The following CNTN3 variants were observed in gnomAD, a reference collection of about 807,000 sequenced individuals.
CNTN3 encodes the protein contactin-3.
A neutral mutation model predicts 119.1 loss-of-function variants in CNTN3; 60 were observed. That is an observed-to-expected ratio of 0.50 (90% CI 0.41 to 0.62). The LOEUF is 0.62. CNTN3 is among the 20% of genes least tolerant of loss of function. The pLI is 0.00. For synonymous variants in CNTN3, 450 were observed against 438.7 expected (o/e 1.03, Z -0.32); for missense variants, 1,101 against 1,242.4 (o/e 0.89, Z 1.71).
chr3:74,574,622 T>G lies in CNTN3; in HGVS notation c.-81+39769A>C, dbSNP rs9829284. 8.4e-3 allele frequency among the ~76,000 whole-genome samples: 1,272 copies of G among 152,326 alleles called. 15 individuals carry two copies. The highest frequency in any genetic ancestry group is 0.027 in the African/African-American group (1,121 of 41,568). On this transcript the variant is annotated intron_variant, in intron 1 of 22. Coordinates refer to ENST00000263665, the MANE Select transcript of CNTN3 (RefSeq NM_020872.3). ...ACCCATGGAAGTCATGCTGTTTTTCTCTTGTAAACTGTTTTTCCCAGTGCT... is the reference window on the plus strand; with the variant it reads ...ACCCATGGAAGTCATGCTGTTTTTCGCTTGTAAACTGTTTTTCCCAGTGCT...
At chr3:74,409,921 A>C (rs1231427484) in intron 5 of CNTN3, among the ~76,000 whole-genome samples, 1 of 152,186 alleles carries the variant, frequency 6.6e-6, no homozygotes, top group Non-Finnish European at 1.5e-5. Flanking sequence ...ATTTTGTTGA[A>C]GATACTTGAT....
chr3:74,347,567 T>C (rs543170349), intron 11 of CNTN3, among the ~76,000 whole-genome samples: 8 of 152,336 alleles, frequency 5.3e-5, no homozygotes, highest in East Asian at 1.9e-4. Flanking sequence ...AAATGTACCA[T>C]ATAATGATAG....
intron 3 of CNTN3, among the ~76,000 whole-genome samples, chr3:74,497,488 T>C (rs190843083): frequency 6.6e-6 from 1 of 152,058 alleles, no homozygotes; most frequent in Admixed American, 6.6e-5. Context: ...CAGAGTCTGA[T>C]ATTTCTTAGA....
At position 74,301,714 on chromosome 3, in the gene CNTN3, G is replaced by A. The variant is rs199848451; in HGVS notation, c.1878C>T (p.Ser626=). ...LSWKEGKDNH[S]PVISYSIQAR... is the part of the protein sequence containing the mutation. The stretch of plus-strand genomic sequence containing the variant: ...CCTGGATAGAATAGGATATAACTGG[G>A]CTATGGTTGTCTTTACCTTCTTTCC... Residue 626 remains serine (S), a synonymous_variant, in exon 15 of 23, where the codon AGC becomes AGT. Transcript: ENST00000263665. The A allele has an allele frequency of 1.8e-5, 29 of 1,613,966 alleles. No homozygotes were observed. The highest frequency in any genetic ancestry group is 1.8e-4 in the East Asian group (8 of 44,878).
At chr3:74,522,653 G>A (rs927136583) in intron 1 of CNTN3, among the ~76,000 whole-genome samples, 3 of 151,714 alleles carry the variant, frequency 2.0e-5, no homozygotes, top group African/African-American at 7.3e-5. Flanking sequence ...ATGCCTAAGA[G>A]TCATCCAAGA....
rs75498611 is a variant in CNTN3 at position 74,435,465 on chromosome 3, C to T, written c.359-10525G>A. On this transcript the variant is annotated intron_variant, in intron 4 of 22. Coordinates refer to ENST00000263665, the MANE Select transcript of CNTN3 (RefSeq NM_020872.3). ...ATGCTAGGATTACAGGCATGAGCCA[C>T]CACACTGAGCCTGGAACTATTTTGT... Among the ~76,000 whole-genome samples the T allele has an allele frequency of 8.7e-3, 1,329 of 152,252 alleles. 16 individuals carry two copies. Among genetic ancestry groups the T allele is most frequent in the African/African-American group, 0.03 (1,264 of 41,548 alleles).
rs1408763448 is a variant in CNTN3, at chr3:74,394,112, C to T, written c.455-22713G>A. 1.1e-4 allele frequency among the ~76,000 whole-genome samples: 16 copies of T among 152,268 alleles called. No homozygotes were observed. In the South Asian group the frequency reaches 3.3e-3, roughly 32 times the overall value. On this transcript the variant is annotated intron_variant, in intron 5 of 22. Transcript: ENST00000263665. ...CTAATTAGAGAAGTCTGTGGAGATGCTCAACTCAAATTAATCTAGAAATGA... is the reference window on the plus strand; with the variant it reads ...CTAATTAGAGAAGTCTGTGGAGATGTTCAACTCAAATTAATCTAGAAATGA...
At chr3:74,409,315 G>C (rs948056806) in intron 5 of CNTN3, among the ~76,000 whole-genome samples, 2 of 152,146 alleles carry the variant, frequency 1.3e-5, no homozygotes, top group African/African-American at 4.8e-5. Flanking sequence ...GTGAATGCCT[G>C]ATCACACTGT....
At chr3:74,287,011 G>A (rs1247110045) in intron 19 of CNTN3, among the ~76,000 whole-genome samples, 6 of 152,146 alleles carry the variant, frequency 3.9e-5, no homozygotes, top group Non-Finnish European at 7.4e-5. Flanking sequence ...TTAACTGTTC[G>A]CAGCAAAGCC....
At chr3:74,547,914 G>A (rs1267263672) in intron 1 of CNTN3, among the ~76,000 whole-genome samples, 1 of 152,034 alleles carries the variant, frequency 6.6e-6, no homozygotes, top group South Asian at 2.1e-4. Context: ...ATCCTTCTAA[G>A]AGTTTTATTT....
chr3:74,568,949 T>C (rs2106646084), intron 1 of CNTN3, among the ~76,000 whole-genome samples: 1 of 152,286 alleles, frequency 6.6e-6, no homozygotes. Flanking sequence ...GGTCTTGGAC[T>C]TTAATGTGTG....
chr3:74,614,609 C>T lies in CNTN3; in HGVS notation c.-299G>A, dbSNP rs1245640464. On this transcript the variant is annotated 5_prime_UTR_variant, in exon 1 of 23. Coordinates refer to ENST00000263665, the MANE Select transcript of CNTN3 (RefSeq NM_020872.3). Reference sequence around the variant, plus strand: ...GCCCGCCCGCCGCTGCCACCGCCGCCGCCGCCAAGCGCCAGGCTGCTGTGG... The same window carrying T: ...GCCCGCCCGCCGCTGCCACCGCCGCTGCCGCCAAGCGCCAGGCTGCTGTGG... Among the ~76,000 whole-genome samples the T allele has an allele frequency of 6.7e-6, 1 of 149,386 alleles. No homozygotes were observed. Among genetic ancestry groups the T allele is most frequent in the African/African-American group, 2.4e-5 (1 of 41,300 alleles).
chr3:74,405,534 T>C (rs1017702969), intron 5 of CNTN3, among the ~76,000 whole-genome samples: 9 of 152,098 alleles, frequency 5.9e-5, no homozygotes, highest in Non-Finnish European at 1.0e-4. Context: ...TTCTTCTAAA[T>C]ACATTATCAA....
At position 74,325,531 on chromosome 3, in the gene CNTN3, C is replaced by A. The variant is rs567485171; in HGVS notation, c.1668+9204G>T. Among the ~76,000 whole-genome samples, 475 of 152,198 alleles carry A rather than the reference C, an allele frequency of 3.1e-3. 4 individuals carry two copies. The highest frequency in any genetic ancestry group is 0.011 in the African/African-American group (461 of 41,550). ...AAATTTTAAAAAAATGAAGGAAAAA[C>A]TCGTGCAGAAAAGAATATGGGGAAG... On this transcript the variant is annotated intron_variant, in intron 13 of 22. Transcript: ENST00000263665.
At chr3:74,340,621 A>C (rs1703511052) in intron 11 of CNTN3, among the ~76,000 whole-genome samples, 1 of 152,188 alleles carries the variant, frequency 6.6e-6, no homozygotes, top group East Asian at 1.9e-4. Context: ...GATGTGATGG[A>C]GAATTTTAAT....
At chr3:74,507,288 C>T (rs1703279222) in intron 2 of CNTN3, among the ~76,000 whole-genome samples, 1 of 151,994 alleles carries the variant, frequency 6.6e-6, no homozygotes, top group Admixed American at 6.6e-5. Context: ...CGCAGTAGTG[C>T]ATGCCTATAG....
chr3:74,331,604 T>C (rs1438185386), intron 13 of CNTN3, among the ~76,000 whole-genome samples: 1 of 152,216 alleles, frequency 6.6e-6, no homozygotes, highest in Non-Finnish European at 1.5e-5. Flanking sequence ...CTTGTGTATC[T>C]GAATACAAAT....
intron 20 of CNTN3, among the ~76,000 whole-genome samples, chr3:74,279,122 T>G (rs1203254810): frequency 2.6e-5 from 4 of 152,094 alleles, no homozygotes; most frequent in African/African-American, 7.2e-5. Flanking sequence ...CACGTTGGTG[T>G]GGATGCGGTG....
chr3:74,440,425 T>C (rs1437895104), intron 4 of CNTN3, among the ~76,000 whole-genome samples: 1 of 151,906 alleles, frequency 6.6e-6, no homozygotes, highest in Non-Finnish European at 1.5e-5. Context: ...ATAGTTGATT[T>C]CTGTTCTCCT....
Sources: allele counts gnomAD v4.1 joint callset (sites outside exome capture counted in the v4.1 genomes callset), GRCh38; gene constraint gnomAD v4.1.1; transcripts MANE v1.5; gene names NCBI Gene and HGNC (gene_info 2026-07-23, HGNC 2026-07-21).